The following PCDHGB7 variants were observed in gnomAD, a reference collection of about 807,000 sequenced individuals.
The protein encoded by PCDHGB7 is protocadherin gamma subfamily B, 7.
PCDHGB7 carries 37 observed loss-of-function variants against 61.4 expected under a neutral mutation model. The observed-to-expected ratio is 0.60, with a 90% confidence interval of 0.46 to 0.79. PCDHGB7 has a LOEUF of 0.79. Among genes scored for constraint, PCDHGB7 ranks in the 30% least tolerant of loss-of-function variants. The pLI, the probability that PCDHGB7 is intolerant of heterozygous loss-of-function variation, is 0.00. For missense variants in PCDHGB7, 1,166 were observed against 1,202.5 expected (o/e 0.97, Z 0.45); for synonymous variants, 464 against 503.5 (o/e 0.92, Z 1.05).
intron 1 of PCDHGB7, among the ~76,000 whole-genome samples, chr5:141,438,587 C>CATAT (rs1372372472): frequency 2.7e-5 from 2 of 73,430 alleles, no homozygotes; most frequent in Non-Finnish European, 5.2e-5. Context: ...TACATACATA[C>CATAT]ATACATATAT....
chr5:141,445,272 T>C (rs1057201147), intron 1 of PCDHGB7, among the ~76,000 whole-genome samples: 1 of 152,236 alleles, frequency 6.6e-6, no homozygotes, highest in Non-Finnish European at 1.5e-5. Flanking sequence ...TCGAAACCAC[T>C]CTGCATAAGT....
chr5:141,472,145 A>C (rs1376068421), intron 1 of PCDHGB7, among the ~76,000 whole-genome samples: 1 of 152,244 alleles, frequency 6.6e-6, no homozygotes, highest in Non-Finnish European at 1.5e-5. Context: ...TAAAAGTTTC[A>C]TGGTTACATA....
At position 141,431,248 on chromosome 5, in the gene PCDHGB7, G is replaced by T. The variant is rs1213088915; in HGVS notation, c.2415+10974G>T. ...CCCACGCCTGGGATCCGGATATCGG[G>T]AAGAACTCTCTGCAGAGCTACGAGC... On this transcript the variant is annotated intron_variant, in intron 1 of 3. Coordinates refer to ENST00000398594, the MANE Select transcript of PCDHGB7 (RefSeq NM_018927.4). The surrounding 1 kb of genome is among the most constrained non-coding windows in gnomAD (Gnocchi z 4.8). 6.2e-7 allele frequency: 1 copy of T among 1,614,022 alleles called. No individual in the cohort carries two copies. The highest frequency in any genetic ancestry group is 8.5e-7 in the Non-Finnish European group (1 of 1,180,056).
Position 141,432,224 on chromosome 5 carries a change from T to C in PCDHGB7, c.2415+11950T>C. On this transcript the variant is annotated intron_variant, in intron 1 of 3. Transcript: ENST00000398594. The surrounding 1 kb of genome is among the most constrained non-coding windows in gnomAD (Gnocchi z 6.0). The stretch of plus-strand genomic sequence containing the variant: ...CTGTGAAGAGAACGCCCAGATCACT[T>C]ATTCCCTGGCTGAGAACACCATCCA... 6.2e-7 allele frequency: 1 copy of C among 1,614,138 alleles called. No homozygotes were observed. Among genetic ancestry groups the C allele is most frequent in the Non-Finnish European group, 8.5e-7 (1 of 1,180,024 alleles).
Position 141,477,265 on chromosome 5 carries a change from G to T in PCDHGB7, c.2416-17542G>T. On this transcript the variant is annotated intron_variant, in intron 1 of 3. Coordinates refer to ENST00000398594, the MANE Select transcript of PCDHGB7 (RefSeq NM_018927.4). The surrounding 1 kb of genome is among the most constrained non-coding windows in gnomAD (Gnocchi z 4.9). ...GTGTGACTGACCTGGATGCTGGCGA[G>T]AACGGGCTGGTGACCTGCGAAGTTC... 6.2e-7 allele frequency: 1 copy of T among 1,614,198 alleles called. No individual in the cohort carries two copies. Among genetic ancestry groups the T allele is most frequent in the Non-Finnish European group, 8.5e-7 (1 of 1,180,044 alleles).
At position 141,491,832 on chromosome 5, in the gene PCDHGB7, C is replaced by T. The variant is rs755882255; in HGVS notation, c.2416-2975C>T. On this transcript the variant is annotated intron_variant, in intron 1 of 3. Coordinates refer to ENST00000398594, the MANE Select transcript of PCDHGB7 (RefSeq NM_018927.4). The surrounding 1 kb of genome is among the most constrained non-coding windows in gnomAD (Gnocchi z 6.9). ...GTCGCTGGCTGCGCTCCACCCGATT[C>T]TCGGGATCATTGGACCGTTTGCGCG... 1.6e-5 allele frequency: 24 copies of T among 1,474,306 alleles called. No individual in the cohort carries two copies. The highest frequency in any genetic ancestry group is 2.0e-5 in the Non-Finnish European group (22 of 1,112,688). 91.3% of individuals were successfully genotyped at this position (1,474,306 alleles called of 1,614,324 possible). A position where few individuals can be genotyped will look rare whatever the true frequency, so the allele number is the denominator to read the frequency against.
chr5:141,458,421 G>T (rs1294502132), intron 1 of PCDHGB7, among the ~76,000 whole-genome samples: 1 of 152,114 alleles, frequency 6.6e-6, no homozygotes, highest in African/African-American at 2.4e-5. Context: ...GGGTTCCAAA[G>T]CTGAAAGAGG....
rs2096410171 is a variant in PCDHGB7 at position 141,419,640 on chromosome 5, T to C, written c.1781T>C (p.Val594Ala). 1.2e-6 allele frequency: 2 copies of C among 1,612,532 alleles called. No individual in the cohort carries two copies. ...TACCTGGTGACCAAGGTGGTGGCCG[T>C]GGACGCGGACTCGGGGCACAATGCC... is the stretch of plus-strand genomic sequence containing the variant. The part of the protein sequence containing the change: ...PGYLVTKVVA[V>A]DADSGHNAWL... Residue 594 changes from valine to alanine, a missense_variant, in exon 1 of 4, where the codon GTG (valine) becomes GCG (alanine). By Grantham distance (64) the Val-to-Ala change is moderately conservative (BLOSUM62 0). Transcript: ENST00000398594.
intron 1 of PCDHGB7, chr5:141,478,693 G>A: frequency 6.4e-7 from 1 of 1,550,764 alleles, no homozygotes; most frequent in Non-Finnish European, 8.7e-7. Context: ...CTAGATCAAA[G>A]TTAGTGCCTT....
chr5:141,482,728 A>T (rs192207285), intron 1 of PCDHGB7, among the ~76,000 whole-genome samples: 97 of 128,396 alleles, frequency 7.6e-4, no homozygotes, highest in Admixed American at 3.3e-3. Context: ...GGGCCATTGC[A>T]AGAAATTCCA....
At chr5:141,478,256 A>G in intron 1 of PCDHGB7, 6 of 1,614,126 alleles carry the variant, frequency 3.7e-6, no homozygotes, top group Non-Finnish European at 5.1e-6. Flanking sequence ...CGGAGTAATC[A>G]TATTCAAAGT....
intron 1 of PCDHGB7, chr5:141,478,822 T>C: frequency 4.2e-6 from 6 of 1,444,070 alleles, no homozygotes; most frequent in Non-Finnish European, 5.5e-6. Flanking sequence ...AACTAACCAA[T>C]CTTGCTAAGG....
At position 141,422,706 on chromosome 5, in the gene PCDHGB7, G is replaced by A. The variant is rs758922274; in HGVS notation, c.2415+2432G>A. On this transcript the variant is annotated intron_variant, in intron 1 of 3. Transcript: ENST00000398594. ...ATGCCCTGGTCACTTACTCTCTGAC[G>A]GATGACACTGTCCAGGGGGTGCCTC... The A allele has an allele frequency of 8.1e-6, 13 of 1,602,906 alleles. No homozygotes were observed. In the South Asian group the frequency reaches 1.5e-4, roughly 18 times the overall value.
chr5:141,487,890 G>C lies in PCDHGB7; in HGVS notation c.2416-6917G>C. 3 of 745,430 alleles carry C rather than the reference G, an allele frequency of 4.0e-6. No homozygotes were observed. Among genetic ancestry groups the C allele is most frequent in the Non-Finnish European group, 6.5e-6 (3 of 462,522 alleles). The allele number at this position is 745,430 out of a possible 1,614,324, so 46.2% of individuals were successfully genotyped here. A position where few individuals can be genotyped will look rare whatever the true frequency, so the allele number is the denominator to read the frequency against. On this transcript the variant is annotated intron_variant, in intron 1 of 3. Coordinates refer to ENST00000398594, the MANE Select transcript of PCDHGB7 (RefSeq NM_018927.4). This position sits in a 1 kb window ranked among gnomAD's most constrained non-coding sequence, Gnocchi z 5.0. ...AAGAGCCAGGCTGTTGTGGAAGCAT[G>C]ATGATGGAATGTGGGAGCACAGGAG...
At chr5:141,475,803 G>T in intron 1 of PCDHGB7, 1 of 319,920 alleles carries the variant, frequency 3.1e-6, no homozygotes, top group Non-Finnish European at 5.7e-6. Flanking sequence ...GAAGCCAAAG[G>T]AAAGTGAAGT....
In PCDHGB7 at chr5:141,511,364, T is replaced by C. The variant is rs115159796; in HGVS notation, c.*191T>C. The C allele has an allele frequency of 4.6e-4, 610 of 1,317,098 alleles. 5 individuals are homozygous for C. In the African/African-American group the frequency reaches 7.1e-3, roughly 15 times the overall value. The allele number at this position is 1,317,098 out of a possible 1,614,324, so 81.6% of individuals were successfully genotyped here. On this transcript the variant is annotated 3_prime_UTR_variant, in exon 4 of 4. Coordinates refer to ENST00000398594, the MANE Select transcript of PCDHGB7 (RefSeq NM_018927.4). ...ACCCCTTCCCCCCCAGGGGGTTGAA[T>C]ATGCAAAAGCAGTTCCGCTGGGAAC...
intron 1 of PCDHGB7, 137 bp downstream of exon 1, chr5:141,420,411 T>C: frequency 8.1e-7 from 1 of 1,229,398 alleles, no homozygotes; most frequent in Non-Finnish European, 1.1e-6. Context: ...ATGGTTATCA[T>C]TATTAAAACA....
Position 141,487,933 on chromosome 5 carries a change from A to G in PCDHGB7, c.2416-6874A>G. ...CACAGGAGGCTACAGTGCACAGGGT[A>G]CAGTGCACCAGGCAGTCACTTGGAC... is the stretch of plus-strand genomic sequence containing the variant. On this transcript the variant is annotated intron_variant, in intron 1 of 3. Coordinates refer to ENST00000398594, the MANE Select transcript of PCDHGB7 (RefSeq NM_018927.4). This position sits in a 1 kb window ranked among gnomAD's most constrained non-coding sequence, Gnocchi z 5.0. 1 of 612,006 alleles carries G rather than the reference A, an allele frequency of 1.6e-6. No homozygotes were observed. Among genetic ancestry groups the G allele is most frequent in the South Asian group, 2.0e-5 (1 of 49,074 alleles). The allele number at this position is 612,006 out of a possible 1,614,324, so 37.9% of individuals were successfully genotyped here. A position where few individuals can be genotyped will look rare whatever the true frequency, so the allele number is the denominator to read the frequency against.
In PCDHGB7 at chr5:141,491,696, G is replaced by A; in HGVS notation, c.2416-3111G>A. The A allele has an allele frequency of 6.2e-7, 1 of 1,612,390 alleles. No individual in the cohort carries two copies. The highest frequency in any genetic ancestry group is 8.5e-7 in the Non-Finnish European group (1 of 1,179,286). ...CGCTCTAATACGCTGCGGGAGCGGA[G>A]CCAGGTGAGGGGCTCGGCGCCGCCC... On this transcript the variant is annotated intron_variant, in intron 1 of 3. Coordinates refer to ENST00000398594, the MANE Select transcript of PCDHGB7 (RefSeq NM_018927.4). This position sits in a 1 kb window ranked among gnomAD's most constrained non-coding sequence, Gnocchi z 6.9.
Sources: allele counts gnomAD v4.1 joint callset (sites outside exome capture counted in the v4.1 genomes callset), GRCh38; gene constraint gnomAD v4.1.1; non-coding constraint Gnocchi (gnomAD v3.1); transcripts MANE v1.5; gene names NCBI Gene and HGNC (gene_info 2026-07-23, HGNC 2026-07-21).